TRMT11: variants seen among roughly 807,000 people sequenced by gnomAD.
TRMT11 encodes tRNA methyltransferase 11.
Under a neutral mutation model 62.8 loss-of-function variants are expected in TRMT11, and 53 were observed. The observed-to-expected ratio is 0.84, with a 90% CI of 0.68 to 1.06. The LOEUF is 1.06. TRMT11 is among the 50% of genes least tolerant of loss of function. The pLI is 0.00. For missense variants in TRMT11, 556 were observed against 553.4 expected, an observed-to-expected ratio of 1.00 and a Z score of -0.05; for synonymous variants, 188 against 190.3, an observed-to-expected ratio of 0.99 and a Z score of 0.10.
intron 1 of TRMT11, among the ~76,000 whole-genome samples, chr6:126,192,678 T>G (rs1210946593): frequency 6.6e-6 from 1 of 152,182 alleles, no homozygotes; most frequent in East Asian, 1.9e-4. Flanking sequence ...TCAAATAATT[T>G]TTCAATATCA....
At chr6:126,210,980 C>CTTT in the TRMT11 span, among the ~76,000 whole-genome samples, 1 of 131,694 alleles carries the variant, frequency 7.6e-6, no homozygotes, top group Non-Finnish European at 1.6e-5. Flanking sequence ...ATAACATTCC[C>CTTT]TTTTTTTTTT....
At chr6:126,029,919 A>T (rs1283345619) in intron 12 of TRMT11, among the ~76,000 whole-genome samples, 1 of 152,170 alleles carries the variant, frequency 6.6e-6, no homozygotes, top group African/African-American at 2.4e-5. Flanking sequence ...TTACATGTTG[A>T]GTGCCAGATG....
intron 16 of TRMT11, among the ~76,000 whole-genome samples, chr6:126,048,927 C>T (rs1283118297): frequency 2.0e-5 from 3 of 152,184 alleles, no homozygotes; most frequent in Non-Finnish European, 4.4e-5. Flanking sequence ...CCAGCCACAC[C>T]ACTTTGGCCC....
chr6:126,204,900 G>A (rs973545041), downstream of TRMT11, among the ~76,000 whole-genome samples: 2 of 152,184 alleles, frequency 1.3e-5, no homozygotes, highest in African/African-American at 4.8e-5. Context: ...GAATCTTTAT[G>A]ATTTGGGATT....
At chr6:126,015,781 C>T (rs577168943) in intron 11 of TRMT11, among the ~76,000 whole-genome samples, 1 of 152,270 alleles carries the variant, frequency 6.6e-6, no homozygotes, top group East Asian at 1.9e-4. Flanking sequence ...GGAATATTTT[C>T]TGTCTTTCCA....
chr6:126,270,114 A>G, the TRMT11 span, among the ~76,000 whole-genome samples: 2 of 152,246 alleles, frequency 1.3e-5, no homozygotes, highest in Non-Finnish European at 2.9e-5. Flanking sequence ...TCTCAGATAC[A>G]TGGCATAACC....
At chr6:126,148,316 C>T (rs1393780026) in intron 21 of TRMT11, among the ~76,000 whole-genome samples, 1 of 152,156 alleles carries the variant, frequency 6.6e-6, no homozygotes, top group Non-Finnish European at 1.5e-5. Context: ...CAGTGAATAT[C>T]ACAAATGCAT....
At chr6:126,109,112 T>A (rs562223389) in intron 17 of TRMT11, among the ~76,000 whole-genome samples, 9 of 152,292 alleles carry the variant, frequency 5.9e-5, no homozygotes, top group Admixed American at 3.3e-4. Context: ...TCAAATACTT[T>A]GGTGTGTGTT....
chr6:126,080,995 C>T (rs1777148812), intron 17 of TRMT11, among the ~76,000 whole-genome samples: 1 of 152,192 alleles, frequency 6.6e-6, no homozygotes, highest in Non-Finnish European at 1.5e-5. Flanking sequence ...AGTGATATTG[C>T]ATCCCTGGGA....
chr6:126,242,307 A>C, the TRMT11 span, among the ~76,000 whole-genome samples: 1 of 152,244 alleles, frequency 6.6e-6, no homozygotes, highest in African/African-American at 2.4e-5. Flanking sequence ...ATGGAAGAGC[A>C]TTCCATGCTC....
At chr6:126,108,609 T>A (rs556689458) in intron 17 of TRMT11, among the ~76,000 whole-genome samples, 1 of 152,200 alleles carries the variant, frequency 6.6e-6, no homozygotes, top group South Asian at 2.1e-4. Flanking sequence ...ACCCCAACAA[T>A]CCACTCTTCA....
intron 17 of TRMT11, among the ~76,000 whole-genome samples, chr6:126,080,505 T>A (rs930885190): frequency 2.0e-5 from 3 of 152,110 alleles, no homozygotes; most frequent in African/African-American, 4.8e-5. Flanking sequence ...GCCCCTTGAT[T>A]GAAGGGGAGT....
At chr6:126,264,383 TACTA>T in the TRMT11 span, among the ~76,000 whole-genome samples, 1 of 152,224 alleles carries the variant, frequency 6.6e-6, no homozygotes, top group East Asian at 1.9e-4. Context: ...GCCTGCTGTG[TACTA>T]ACTATGTGTG....
intron 1 of TRMT11, among the ~76,000 whole-genome samples, chr6:126,178,065 T>A (rs545552083): frequency 6.6e-6 from 1 of 152,240 alleles, no homozygotes; most frequent in Non-Finnish European, 1.5e-5. Context: ...GATCTTATGT[T>A]TTCAGAATAC....
the TRMT11 span, among the ~76,000 whole-genome samples, chr6:126,223,167 A>G: frequency 3.3e-5 from 5 of 152,296 alleles, no homozygotes; most frequent in African/African-American, 9.6e-5. Flanking sequence ...CATGCCTGTA[A>G]TCCCAGCACT....
upstream of TRMT11, among the ~76,000 whole-genome samples, chr6:126,174,077 T>C (rs1778358683): frequency 6.6e-6 from 1 of 152,194 alleles, no homozygotes. Flanking sequence ...TGTTTTTATT[T>C]GGAGCACTGG....
At chr6:126,114,109 A>C (rs1777562547) in intron 18 of TRMT11, among the ~76,000 whole-genome samples, 1 of 152,142 alleles carries the variant, frequency 6.6e-6, no homozygotes, top group Non-Finnish European at 1.5e-5. Context: ...TGTCATGATG[A>C]AGGCATTGTT....
intron 21 of TRMT11, among the ~76,000 whole-genome samples, chr6:126,155,739 G>C (rs1171096800): frequency 3.3e-5 from 5 of 152,158 alleles, no homozygotes; most frequent in Non-Finnish European, 4.4e-5. Context: ...TTTTCTTTTT[G>C]AGACGGAGTC....
the TRMT11 span, among the ~76,000 whole-genome samples, chr6:126,213,015 T>C: frequency 2.0e-5 from 3 of 152,176 alleles, no homozygotes; most frequent in African/African-American, 7.2e-5. Context: ...CAGCACTACT[T>C]ATTAAAAACA....
Sources: gnomAD v4.1 joint callset for allele counts (sites outside exome capture counted in the v4.1 genomes callset) on GRCh38, gnomAD v4.1.1 for gene constraint, MANE v1.5 for transcripts, NCBI Gene and HGNC (gene_info 2026-07-23, HGNC 2026-07-21) for gene names.